CTSO: variants seen among roughly 807,000 people sequenced by gnomAD.
CTSO encodes the protein cathepsin O.
Under a neutral mutation model 42.4 loss-of-function variants are expected in CTSO, and 40 were observed. The ratio of observed to expected loss-of-function variants is 0.94; its 90% CI spans 0.73 to 1.23. The LOEUF is 1.23. Ranked by LOEUF, CTSO falls within the 50% of genes most tolerant of loss-of-function variation. The probability of loss-of-function intolerance (pLI) is 0.00; values close to 1 mark genes in which losing one functional copy is unlikely to be tolerated. For missense variants in CTSO, 441 were observed against 396.0 expected, an observed-to-expected ratio of 1.11 and a Z score of -0.96; for synonymous variants, 156 against 146.2, an observed-to-expected ratio of 1.07 and a Z score of -0.48.
At chr4:155,951,120 A>T (rs1288795294) in intron 1 of CTSO, among the ~76,000 whole-genome samples, 1 of 152,150 alleles carries the variant, frequency 6.6e-6, no homozygotes, top group Non-Finnish European at 1.5e-5. Flanking sequence ...TCTTATAATA[A>T]TATAACCTGT....
intron 3 of CTSO, 22 bp from the exon 4 acceptor site, chr4:155,939,560 G>C: frequency 6.3e-7 from 1 of 1,583,792 alleles, no homozygotes; most frequent in Non-Finnish European, 8.6e-7. Context: ...CAGAAAAAGG[G>C]GTGGTATTTC....
At chr4:155,946,989 G>A (rs1379283755) in intron 1 of CTSO, among the ~76,000 whole-genome samples, 1 of 152,042 alleles carries the variant, frequency 6.6e-6, no homozygotes, top group Non-Finnish European at 1.5e-5. Context: ...CCGAGTAGCT[G>A]GGACTACGGG....
chr4:155,936,929 T>G (rs1743341116), intron 5 of CTSO, among the ~76,000 whole-genome samples: 1 of 152,216 alleles, frequency 6.6e-6, no homozygotes, highest in Non-Finnish European at 1.5e-5. Context: ...ATATGTAGCC[T>G]ACGTGATATT....
chr4:155,949,707 T>C (rs187970660), intron 1 of CTSO, among the ~76,000 whole-genome samples: 1 of 152,182 alleles, frequency 6.6e-6, no homozygotes, highest in Non-Finnish European at 1.5e-5. Flanking sequence ...AAGCTGAGGA[T>C]GAGCAAAAAA....
chr4:155,939,694 A>T (rs1743395064), intron 3 of CTSO, among the ~76,000 whole-genome samples, 156 bp from the exon 4 acceptor site: 1 of 152,256 alleles, frequency 6.6e-6, no homozygotes, highest in African/African-American at 2.4e-5. Context: ...AACTGAAAAA[A>T]AGAGAAAACC....
rs537194160 is a variant in CTSO, at chr4:155,939,436, A to G, written c.487T>C (p.Cys163Arg). 3 of 1,614,138 alleles carry G rather than the reference A, an allele frequency of 1.9e-6. No individual in the cohort carries two copies. Among genetic ancestry groups the G allele is most frequent in the Admixed American group, 1.7e-5 (1 of 60,030 alleles). The change falls in exon 4 of 8, where the codon TGT becomes CGT. Residue 163 changes from cysteine (C) to arginine (R), a missense_variant. Coordinates refer to ENST00000433477, the MANE Select transcript of CTSO (RefSeq NM_001334.3). The part of the protein sequence containing the change: ...EDLSVQQVID[C>R]SYNNYGCNGG... ...TTGCAGCCATAATTATTATACGAACAGTCAATGACCTGCTGGACACTTAGG... is the reference window on the plus strand; with the variant it reads ...TTGCAGCCATAATTATTATACGAACGGTCAATGACCTGCTGGACACTTAGG...
intron 1 of CTSO, among the ~76,000 whole-genome samples, chr4:155,949,865 G>A (rs1388195569): frequency 6.6e-6 from 1 of 152,160 alleles, no homozygotes; most frequent in Non-Finnish European, 1.5e-5. Flanking sequence ...GATGCCACTG[G>A]CATCTGGTGC....
chr4:155,942,290 T>G, intron 3 of CTSO, 27 bp downstream of exon 3: 1 of 1,534,366 alleles, frequency 6.5e-7, no homozygotes, highest in East Asian at 2.6e-5. Flanking sequence ...CTTAGATGAT[T>G]AGAAAAGAAG....
chr4:155,948,455 T>G (rs189608699), intron 1 of CTSO, among the ~76,000 whole-genome samples: 74 of 152,188 alleles, frequency 4.9e-4, no homozygotes, highest in African/African-American at 1.6e-3. Flanking sequence ...TGTAATATGT[T>G]TCTAAGCAGT....
rs560222709 is a variant in CTSO at position 155,924,524 on chromosome 4, A to G, written c.*1512T>C. 3 of 152,118 alleles carry G rather than the reference A, an allele frequency of 2.0e-5. No individual in the cohort carries two copies. In the South Asian group the frequency reaches 6.2e-4, roughly 32 times the overall value. 9.4% of individuals were successfully genotyped at this position (152,118 alleles called of 1,614,324 possible). A position where few individuals can be genotyped will look rare whatever the true frequency, so the allele number is the denominator to read the frequency against. ...TGAGAGAAAAAGTTAGATGTCCTTG[A>G]ATTTTTTTTTTTAGTGGTTGCTACT... On this transcript the variant is annotated 3_prime_UTR_variant, in exon 8 of 8. Transcript: ENST00000433477.
rs780547926 is a variant in CTSO, at chr4:155,939,458, T to G, written c.465A>C (p.Leu155=). 12 of 1,614,026 alleles carry G rather than the reference T, an allele frequency of 7.4e-6. 1 individual carries two copies. The highest frequency in any genetic ancestry group is 4.2e-6 in the Non-Finnish European group (5 of 1,180,018). ...AACAGTCAATGACCTGCTGGACACT[T>G]AGGTCTTCCAGGGGCTTCCCCTTTA... ...YAIKGKPLED[L]SVQQVIDCSY... The change falls in exon 4 of 8, where the codon CTA becomes CTC. Residue 155 remains leucine (L), a synonymous_variant. Transcript: ENST00000433477.
chr4:155,930,193 T>G (rs957852872), intron 5 of CTSO, among the ~76,000 whole-genome samples: 1 of 152,154 alleles, frequency 6.6e-6, no homozygotes, highest in African/African-American at 2.4e-5. Flanking sequence ...TAGGGCTTCT[T>G]TTATTAAGGA....
chr4:155,929,575 G>A lies in CTSO; in HGVS notation c.805C>T (p.His269Tyr), dbSNP rs1308487825. 6.2e-7 allele frequency: 1 copy of A among 1,613,680 alleles called. No individual in the cohort carries two copies. The highest frequency in any genetic ancestry group is 1.3e-5 in the African/African-American group (1 of 75,016). ...TCAAACCCAGTTATGAGAACTGCAT[G>A]ATTTGCTTCTCCACTAGAGCAGTGA... ...QHHCSSGEANHAVLITGFDKT... is the reference protein window; with the variant it reads ...QHHCSSGEANYAVLITGFDKT... Residue 269 changes from histidine (H) to tyrosine (Y), a missense_variant, in exon 6 of 8, where the codon CAT becomes TAT. Physicochemically the swap from His to Tyr is moderately conservative, Grantham distance 83. Coordinates refer to ENST00000433477, the MANE Select transcript of CTSO (RefSeq NM_001334.3).
chr4:155,946,102 G>C lies in CTSO; in HGVS notation c.136-2838C>G, dbSNP rs1034404703. 3.3e-5 allele frequency among the ~76,000 whole-genome samples: 5 copies of C among 152,278 alleles called. No individual in the cohort carries two copies. The South Asian group carries it at 1.0e-3, about 32-fold the overall frequency. ...GGGTTCTACACGTGTGTCTGGGAGG[G>C]GAGGCAGTAGTTGAGCCACATACTC... On this transcript the variant is annotated intron_variant, in intron 1 of 7. Coordinates refer to ENST00000433477, the MANE Select transcript of CTSO (RefSeq NM_001334.3).
At position 155,942,236 on chromosome 4, in the gene CTSO, A is replaced by G. The variant is rs76388650; in HGVS notation, c.384+81T>C. On this transcript the variant is annotated intron_variant, in intron 3 of 7. Transcript: ENST00000433477. Reference sequence around the variant, plus strand: ...ATTTTCCTAGAGAAATGATGTTTCCATTACAACTTTGATTAAACTTGACCT... The same window carrying G: ...ATTTTCCTAGAGAAATGATGTTTCCGTTACAACTTTGATTAAACTTGACCT... 2,322 of 1,184,006 alleles carry G rather than the reference A, an allele frequency of 2.0e-3. 37 individuals carry two copies. In the African/African-American group the frequency reaches 0.028, roughly 14 times the overall value. 73.3% of individuals were successfully genotyped at this position (1,184,006 alleles called of 1,614,324 possible). A position where few individuals can be genotyped will look rare whatever the true frequency, so the allele number is the denominator to read the frequency against.
chr4:155,947,719 C>T (rs940756818), intron 1 of CTSO, among the ~76,000 whole-genome samples: 8 of 152,096 alleles, frequency 5.3e-5, no homozygotes, highest in African/African-American at 4.8e-5. Context: ...ATTTCATAGA[C>T]GCATCACAAA....
rs760194567 is a variant in CTSO at position 155,943,297 on chromosome 4, C to T, written c.136-33G>A. 5 of 1,340,520 alleles carry T rather than the reference C, an allele frequency of 3.7e-6. No individual in the cohort carries two copies. The East Asian group carries it at 6.9e-5, about 19-fold the overall frequency. 83.0% of individuals were successfully genotyped at this position (1,340,520 alleles called of 1,614,324 possible). A position where few individuals can be genotyped will look rare whatever the true frequency, so the allele number is the denominator to read the frequency against. On this transcript the variant is annotated intron_variant, in intron 1 of 7. Transcript: ENST00000433477. ...AAAAACAAAAACTATTTCATATCCA[C>T]TATGTCAGTTTTCCAAAGTAAACTG... is the stretch of plus-strand genomic sequence containing the variant.
In CTSO at chr4:155,942,412, C is replaced by T. The variant is rs915264073; in HGVS notation, c.289G>A (p.Ala97Thr). Residue 97 changes from alanine (A) to threonine (T), a missense_variant, in exon 3 of 8, where the codon GCA (alanine) becomes ACA (threonine). By Grantham distance (58) the Ala-to-Thr change is moderately conservative (BLOSUM62 0). Transcript: ENST00000433477. ...SKPSKFPRYSAEVHMSIPNVS... is the reference protein window; with the variant it reads ...SKPSKFPRYSTEVHMSIPNVS... ...TTGGGGATGGACATATGTACTTCTG[C>T]TGAGTATCTGGGAAACTTGGAAGGT... 1.3e-5 allele frequency: 21 copies of T among 1,579,868 alleles called. No individual in the cohort carries two copies. Among genetic ancestry groups the T allele is most frequent in the Admixed American group, 1.8e-5 (1 of 55,132 alleles).
Position 155,926,012 on chromosome 4 carries a change from C to T in CTSO, c.*24G>A, listed in dbSNP as rs1253867041. On this transcript the variant is annotated 3_prime_UTR_variant, in exon 8 of 8. Transcript: ENST00000433477. Reference sequence around the variant, plus strand: ...ATTATGAAAACCTTCATTTTTGTAGCTGTCTCTTGATCTGCCCAACATGTC... The same window carrying T: ...ATTATGAAAACCTTCATTTTTGTAGTTGTCTCTTGATCTGCCCAACATGTC... 1 of 1,596,646 alleles carries T rather than the reference C, an allele frequency of 6.3e-7. No homozygotes were observed. Among genetic ancestry groups the T allele is most frequent in the Non-Finnish European group, 8.5e-7 (1 of 1,169,998 alleles).
Sources: allele counts gnomAD v4.1 joint callset (sites outside exome capture counted in the v4.1 genomes callset), GRCh38; gene constraint gnomAD v4.1.1; transcripts MANE v1.5; gene names NCBI Gene and HGNC (gene_info 2026-07-23, HGNC 2026-07-21).